EPHA6: variants seen among roughly 807,000 people sequenced by gnomAD.
EPHA6 encodes ephrin type-A receptor 6.
EPHA6 carries 50 observed loss-of-function variants against 112.0 expected under a neutral mutation model. The observed-to-expected ratio is 0.45, with a 90% CI of 0.36 to 0.56. The LOEUF (loss-of-function observed/expected upper bound fraction) is 0.56. Among genes scored for constraint, EPHA6 ranks in the 20% least tolerant of loss-of-function variants. The pLI is 0.00. For missense variants in EPHA6, 1,280 were observed against 1,417.4 expected (o/e 0.90, Z 1.56); for synonymous variants, 529 against 490.7 (o/e 1.08, Z -1.03).
intron 3 of EPHA6, among the ~76,000 whole-genome samples, chr3:97,157,810 C>T (rs1156605953): frequency 2.0e-5 from 3 of 152,050 alleles, no homozygotes; most frequent in Admixed American, 6.6e-5. Flanking sequence ...ATTAGATCAC[C>T]GCACCTACAT....
intron 6 of EPHA6, among the ~76,000 whole-genome samples, chr3:97,429,911 G>T (rs577165588): frequency 3.9e-4 from 60 of 152,258 alleles, no homozygotes; most frequent in African/African-American, 1.2e-3. Context: ...TGCTGTGGAT[G>T]CAGTATTGGC....
chr3:97,080,047 T>C (rs758122235), intron 3 of EPHA6, among the ~76,000 whole-genome samples: 4 of 152,140 alleles, frequency 2.6e-5, no homozygotes, highest in Non-Finnish European at 5.9e-5. Flanking sequence ...ACTTGCTTTA[T>C]TGTGAAATGC....
intron 5 of EPHA6, among the ~76,000 whole-genome samples, chr3:97,379,514 G>C (rs946583524): frequency 6.6e-6 from 1 of 151,936 alleles, no homozygotes; most frequent in African/African-American, 2.4e-5. Context: ...ACTTTGGGAG[G>C]CTGAGGTGGG....
At chr3:97,266,411 T>TGACA (rs1174575085) in intron 5 of EPHA6, among the ~76,000 whole-genome samples, 1 of 152,156 alleles carries the variant, frequency 6.6e-6, no homozygotes, top group African/African-American at 2.4e-5. Context: ...AATGTAATGG[T>TGACA]GACAAGTAAA....
intron 16 of EPHA6, among the ~76,000 whole-genome samples, chr3:97,746,256 C>G (rs2035711112): frequency 6.6e-6 from 1 of 151,686 alleles, no homozygotes; most frequent in African/African-American, 2.4e-5. Flanking sequence ...CGATTTCACT[C>G]AAACACTAAA....
intron 3 of EPHA6, among the ~76,000 whole-genome samples, chr3:97,000,317 T>A (rs1185673379): frequency 1.9e-5 from 2 of 105,756 alleles, no homozygotes; most frequent in Admixed American, 1.1e-4. Context: ...ATATAGCCAC[T>A]CATATATAGC....
chr3:97,532,236 T>C (rs995769639), intron 10 of EPHA6, 122 bp from the exon 11 acceptor site: 2 of 783,358 alleles, frequency 2.6e-6, no homozygotes, highest in African/African-American at 3.6e-5. Flanking sequence ...GAAATGTTTA[T>C]ATGAAAATAA....
chr3:97,460,931 C>T (rs993052115), intron 7 of EPHA6, among the ~76,000 whole-genome samples: 2 of 152,088 alleles, frequency 1.3e-5, no homozygotes, highest in Non-Finnish European at 2.9e-5. Flanking sequence ...TCCCAGTAAA[C>T]CCCATCTAAG....
intron 10 of EPHA6, among the ~76,000 whole-genome samples, chr3:97,507,038 T>G (rs2092267385): frequency 6.6e-6 from 1 of 152,206 alleles, no homozygotes; most frequent in Non-Finnish European, 1.5e-5. Flanking sequence ...TTTGCTGAAG[T>G]TGCTTATCAT....
chr3:97,413,900 G>A (rs1230874070), intron 6 of EPHA6, among the ~76,000 whole-genome samples: 1 of 151,610 alleles, frequency 6.6e-6, no homozygotes, highest in East Asian at 1.9e-4. Flanking sequence ...GTTTTTCCTT[G>A]ATAACTGGCC....
At chr3:97,437,187 T>C (rs1449710642) in intron 6 of EPHA6, among the ~76,000 whole-genome samples, 2 of 152,172 alleles carry the variant, frequency 1.3e-5, no homozygotes, top group African/African-American at 4.8e-5. Context: ...CATGATGTTA[T>C]GGAATATGCA....
At chr3:97,039,287 G>A (rs1003233294) in intron 3 of EPHA6, among the ~76,000 whole-genome samples, 10 of 151,976 alleles carry the variant, frequency 6.6e-5, no homozygotes, top group Admixed American at 5.9e-4. Flanking sequence ...GAAGTATGAA[G>A]GGAGAAAAAC....
intron 3 of EPHA6, among the ~76,000 whole-genome samples, chr3:97,101,130 A>G (rs1291890432): frequency 6.6e-6 from 1 of 152,018 alleles, no homozygotes; most frequent in African/African-American, 2.4e-5. Flanking sequence ...TTTTTGGTCA[A>G]TTCAAGCTTT....
At chr3:97,688,345 T>C (rs915544196) in intron 14 of EPHA6, among the ~76,000 whole-genome samples, 3 of 152,146 alleles carry the variant, frequency 2.0e-5, no homozygotes, top group African/African-American at 7.2e-5. Flanking sequence ...ATAGAATTGA[T>C]ATAAAACTAC....
intron 5 of EPHA6, among the ~76,000 whole-genome samples, chr3:97,299,054 C>A (rs1486247331): frequency 1.3e-5 from 2 of 152,040 alleles, no homozygotes; most frequent in Non-Finnish European, 2.9e-5. Context: ...AGTTGATGAT[C>A]TTATAAATTT....
chr3:97,465,416 A>C (rs1456764568), intron 7 of EPHA6, among the ~76,000 whole-genome samples: 4 of 152,108 alleles, frequency 2.6e-5, no homozygotes, highest in Non-Finnish European at 4.4e-5. Flanking sequence ...AAGGAGAAGC[A>C]GGGTGTAAAT....
intron 2 of EPHA6, among the ~76,000 whole-genome samples, chr3:96,914,626 A>G (rs2039395663): frequency 6.6e-6 from 1 of 152,204 alleles, no homozygotes; most frequent in Admixed American, 6.5e-5. Flanking sequence ...GCAAAGGCCA[A>G]TGACAACATG....
intron 11 of EPHA6, among the ~76,000 whole-genome samples, chr3:97,534,535 C>A (rs2092737198): frequency 7.2e-6 from 1 of 138,752 alleles, no homozygotes; most frequent in African/African-American, 2.7e-5. Context: ...AATTGAACAA[C>A]ATTAAATAAA....
intron 3 of EPHA6, among the ~76,000 whole-genome samples, chr3:97,018,450 G>GATACATATT (rs1168899196): frequency 6.6e-6 from 1 of 152,126 alleles, no homozygotes; most frequent in Non-Finnish European, 1.5e-5. Flanking sequence ...AAGACAAAGG[G>GATACATATT]GCAGGATAAG....
Sources: allele counts gnomAD v4.1 joint callset (sites outside exome capture counted in the v4.1 genomes callset), GRCh38; gene constraint gnomAD v4.1.1; transcripts MANE v1.5; gene names NCBI Gene and HGNC (gene_info 2026-07-23, HGNC 2026-07-21).